Variants in TGM6 observed in about 807,000 individuals in gnomAD.
TGM6 encodes the protein transglutaminase 6.
A neutral mutation model predicts 77.5 loss-of-function variants in TGM6; 74 were observed. The ratio of observed to expected loss-of-function variants is 0.96; its 90% confidence interval spans 0.79 to 1.16. The LOEUF is 1.16. Among genes scored for constraint, TGM6 ranks in the 50% most tolerant of loss-of-function variants. The pLI, the probability that TGM6 is intolerant of heterozygous loss-of-function variation, is 0.00. For synonymous variants in TGM6, 383 were observed against 378.9 expected, an observed-to-expected ratio of 1.01 and a Z score of -0.12; for missense variants, 968 against 940.2, an observed-to-expected ratio of 1.03 and a Z score of -0.39.
intron 10 of TGM6, among the ~76,000 whole-genome samples, chr20:2,425,742 T>C (rs578231968): frequency 2.0e-5 from 3 of 152,108 alleles, no homozygotes; most frequent in Non-Finnish European, 4.4e-5. Flanking sequence ...TATATATTAG[T>C]AATACATATT....
intron 10 of TGM6, among the ~76,000 whole-genome samples, chr20:2,422,175 T>G (rs916550935): frequency 6.6e-6 from 1 of 152,196 alleles, no homozygotes; most frequent in Non-Finnish European, 1.5e-5. Flanking sequence ...ATCTAGATTT[T>G]CTCCCATGTT....
At chr20:2,396,374 G>A (rs2084667232) in intron 3 of TGM6, 132 bp from the exon 4 acceptor site, 3 of 856,914 alleles carry the variant, frequency 3.5e-6, no homozygotes, top group African/African-American at 1.7e-5. Flanking sequence ...GAGCTCGCAA[G>A]CCCCCTCTTG....
chr20:2,427,967 T>C (rs1277693912), intron 10 of TGM6, among the ~76,000 whole-genome samples: 1 of 152,220 alleles, frequency 6.6e-6, no homozygotes, highest in Non-Finnish European at 1.5e-5. Context: ...TTTAAATTTC[T>C]CTTAAGACTT....
chr20:2,383,294 G>C (rs1462311083), intron 1 of TGM6, among the ~76,000 whole-genome samples: 1 of 152,222 alleles, frequency 6.6e-6, no homozygotes, highest in African/African-American at 2.4e-5. Context: ...CAAAGAATTG[G>C]GGAGGATTGT....
intron 5 of TGM6, 139 bp downstream of exon 5, chr20:2,398,185 T>C: frequency 7.0e-7 from 1 of 1,426,298 alleles, no homozygotes; most frequent in Non-Finnish European, 9.7e-7. Context: ...CAAAACTCAG[T>C]GGTGTAAAAC....
chr20:2,411,441 C>G (rs1208915479), intron 9 of TGM6, among the ~76,000 whole-genome samples: 1 of 136,616 alleles, frequency 7.3e-6, no homozygotes, highest in Non-Finnish European at 1.5e-5. Flanking sequence ...GACAAAATCT[C>G]ATACCCCTTT....
intron 7 of TGM6, 31 bp downstream of exon 7, chr20:2,400,475 G>A (rs781538657): frequency 1.9e-6 from 3 of 1,613,624 alleles, no homozygotes; most frequent in East Asian, 2.2e-5. Context: ...AGGCCCGAGG[G>A]CTCTGGAAGC....
intron 10 of TGM6, among the ~76,000 whole-genome samples, chr20:2,428,670 T>C (rs1039344631): frequency 2.0e-5 from 3 of 150,912 alleles, no homozygotes; most frequent in African/African-American, 4.9e-5. Context: ...TCAATAATAA[T>C]ATATTATCAA....
At chr20:2,386,505 T>C (rs2084597091) in intron 1 of TGM6, among the ~76,000 whole-genome samples, 1 of 151,730 alleles carries the variant, frequency 6.6e-6, no homozygotes, top group African/African-American at 2.4e-5. Context: ...TAGGGACAAA[T>C]GGGGAGAAGC....
At chr20:2,391,332 T>TG (rs926637249) in intron 1 of TGM6, among the ~76,000 whole-genome samples, 2 of 152,148 alleles carry the variant, frequency 1.3e-5, no homozygotes, top group Non-Finnish European at 2.9e-5. Context: ...AGATGAACTC[T>TG]GGTGGCAGGG....
At chr20:2,416,146 A>G (rs917024732) in intron 9 of TGM6, among the ~76,000 whole-genome samples, 1 of 152,200 alleles carries the variant, frequency 6.6e-6, no homozygotes. Flanking sequence ...CAGCAACAGC[A>G]AAGGTGCTGC....
chr20:2,417,347 C>G lies in TGM6; in HGVS notation c.1452C>G (p.Asp484Glu). 1 of 1,613,890 alleles carries G rather than the reference C, an allele frequency of 6.2e-7. No homozygotes were observed. The highest frequency in any genetic ancestry group is 8.5e-7 in the Non-Finnish European group (1 of 1,179,992). Reference sequence around the variant, plus strand: ...CTGGGGGTCGCTGTCTCTGGCGTGACGACCTCCTGGAGCCTGCCACCAAGC... The same window carrying G: ...CTGGGGGTCGCTGTCTCTGGCGTGAGGACCTCCTGGAGCCTGCCACCAAGC... ...RRAGGRCLWRDDLLEPATKPS... is the reference protein window; with the variant it reads ...RRAGGRCLWREDLLEPATKPS... Residue 484 changes from aspartate to glutamate, a missense_variant, in exon 10 of 13, where the codon GAC becomes GAG. Physicochemically the swap from Asp to Glu is conservative, Grantham distance 45. Transcript: ENST00000202625.
rs372808231 is a variant in TGM6 at position 2,394,424 on chromosome 20, C to T, written c.8-28C>T. ...TGGGTGAGAAACAGGAGGCCGTGGC[C>T]TCATCTCCCTGTCCTCTCCCCACCC... On this transcript the variant is annotated intron_variant, in intron 1 of 12. Coordinates refer to ENST00000202625, the MANE Select transcript of TGM6 (RefSeq NM_198994.3). The T allele has an allele frequency of 8.6e-5, 138 of 1,610,596 alleles. No individual in the cohort carries two copies. In the South Asian group the frequency reaches 8.8e-4, roughly 10 times the overall value.
At chr20:2,404,047 A>G (rs1440540921) in intron 9 of TGM6, among the ~76,000 whole-genome samples, 1 of 152,186 alleles carries the variant, frequency 6.6e-6, no homozygotes, top group African/African-American at 2.4e-5. Flanking sequence ...AAGATTTCCC[A>G]TTTGTAATAA....
chr20:2,386,714 G>C (rs953416566), intron 1 of TGM6, among the ~76,000 whole-genome samples: 2 of 152,152 alleles, frequency 1.3e-5, no homozygotes, highest in Non-Finnish European at 2.9e-5. Flanking sequence ...GATAATGGCA[G>C]TTCTGACTCA....
At chr20:2,425,190 T>TA (rs1055006396) in intron 10 of TGM6, among the ~76,000 whole-genome samples, 1 of 151,790 alleles carries the variant, frequency 6.6e-6, no homozygotes, top group African/African-American at 2.4e-5. Context: ...AAAATTAAAA[T>TA]AAAAAATACC....
chr20:2,422,486 G>T (rs1187188098), intron 10 of TGM6, among the ~76,000 whole-genome samples: 1 of 152,100 alleles, frequency 6.6e-6, no homozygotes, highest in Non-Finnish European at 1.5e-5. Context: ...TAGGAATATT[G>T]CAATAAAGCA....
intron 7 of TGM6, among the ~76,000 whole-genome samples, chr20:2,400,788 C>T (rs1223396051): frequency 2.0e-5 from 3 of 152,076 alleles, no homozygotes; most frequent in African/African-American, 7.2e-5. Context: ...CTCCTGCTTC[C>T]GTATCAGCTG....
intron 5 of TGM6, among the ~76,000 whole-genome samples, chr20:2,398,937 G>T (rs2084686916): frequency 6.6e-6 from 1 of 151,964 alleles, no homozygotes; most frequent in African/African-American, 2.4e-5. Flanking sequence ...AATTCCTCAA[G>T]ACCTCAGAGA....
Sources: gnomAD v4.1 joint callset for allele counts (sites outside exome capture counted in the v4.1 genomes callset) on GRCh38, gnomAD v4.1.1 for gene constraint, MANE v1.5 for transcripts, NCBI Gene and HGNC (gene_info 2026-07-23, HGNC 2026-07-21) for gene names.